SLC4A4: variants seen among roughly 807,000 people sequenced by gnomAD.
SLC4A4 encodes the protein solute carrier family 4 member 4, also known as electrogenic sodium bicarbonate cotransporter 1.
SLC4A4 carries 27 observed loss-of-function variants against 111.5 expected under a neutral mutation model. That is an observed-to-expected ratio of 0.24 (90% CI 0.18 to 0.33). The LOEUF (loss-of-function observed/expected upper bound fraction) is 0.33. Among genes scored for constraint, SLC4A4 ranks in the 10% least tolerant of loss-of-function variants. The probability of loss-of-function intolerance (pLI) is 1.00; values close to 1 mark genes in which losing one functional copy is unlikely to be tolerated. For missense variants in SLC4A4, 909 were observed against 1,315.5 expected, an observed-to-expected ratio of 0.69 and a Z score of 4.78; for synonymous variants, 443 against 463.4, an observed-to-expected ratio of 0.96 and a Z score of 0.57.
intron 1 of SLC4A4, among the ~76,000 whole-genome samples, chr4:71,235,331 C>T (rs558604539): frequency 2.2e-4 from 34 of 152,156 alleles, no homozygotes; most frequent in African/African-American, 7.2e-4. Context: ...AATGCACATC[C>T]GCATAGATTA....
At chr4:71,547,544 C>A in intron 19 of SLC4A4, 104 bp from the exon 20 acceptor site, 1 of 917,626 alleles carries the variant, frequency 1.1e-6, no homozygotes, top group Non-Finnish European at 1.8e-6. Flanking sequence ...GTTGTTTTAG[C>A]CAAACATTGA....
intron 2 of SLC4A4, among the ~76,000 whole-genome samples, chr4:71,136,930 G>C (rs968174430): frequency 2.6e-5 from 4 of 152,148 alleles, no homozygotes; most frequent in Admixed American, 1.3e-4. Flanking sequence ...TGAAGAAGCT[G>C]AAACTTTTGC....
intron 1 of SLC4A4, among the ~76,000 whole-genome samples, chr4:71,072,410 T>C (rs1741692174): frequency 6.6e-6 from 1 of 152,182 alleles, no homozygotes; most frequent in Non-Finnish European, 1.5e-5. Context: ...TTGTTAGACT[T>C]TCTATTCTGT....
intron 11 of SLC4A4, 117 bp downstream of exon 11, chr4:71,451,418 T>C (rs2149076958): frequency 1.3e-6 from 1 of 744,218 alleles, no homozygotes; most frequent in South Asian, 1.5e-5. Flanking sequence ...CAAATATTTA[T>C]GGTATACCTA....
chr4:71,359,380 ATGT>A (rs1390429252), intron 6 of SLC4A4, among the ~76,000 whole-genome samples: 2 of 152,192 alleles, frequency 1.3e-5, no homozygotes, highest in African/African-American at 2.4e-5. Flanking sequence ...CTTTTTAAAC[ATGT>A]TGTTATTTGC....
chr4:71,069,962 C>G (rs906129572), intron 1 of SLC4A4, among the ~76,000 whole-genome samples: 1 of 152,132 alleles, frequency 6.6e-6, no homozygotes, highest in Non-Finnish European at 1.5e-5. Context: ...TGGGAACCAG[C>G]TGTTTAAGGA....
intron 1 of SLC4A4, among the ~76,000 whole-genome samples, chr4:71,091,531 G>C (rs1216184117): frequency 6.6e-6 from 1 of 152,050 alleles, no homozygotes; most frequent in African/African-American, 2.4e-5. Flanking sequence ...GGGATTACAG[G>C]CGTGAGCCAC....
chr4:71,553,673 A>G (rs1325843587), intron 20 of SLC4A4, among the ~76,000 whole-genome samples: 3 of 151,700 alleles, frequency 2.0e-5, no homozygotes, highest in Admixed American at 6.6e-5. Context: ...CTATGCAATG[A>G]TCCTTCTCTT....
At chr4:71,544,758 A>C (rs1735363397) in intron 18 of SLC4A4, among the ~76,000 whole-genome samples, 1 of 152,072 alleles carries the variant, frequency 6.6e-6, no homozygotes, top group Non-Finnish European at 1.5e-5. Flanking sequence ...CTACAAGCCT[A>C]GGTTCTGATA....
At chr4:71,507,483 T>A (rs540669817) in intron 16 of SLC4A4, among the ~76,000 whole-genome samples, 1 of 151,938 alleles carries the variant, frequency 6.6e-6, no homozygotes, top group South Asian at 2.1e-4. Context: ...CCAACAAAGA[T>A]GAAAAAAGAC....
At chr4:71,342,957 G>A (rs950281390) in intron 4 of SLC4A4, among the ~76,000 whole-genome samples, 18 of 152,224 alleles carry the variant, frequency 1.2e-4, no homozygotes, top group African/African-American at 3.4e-4. Flanking sequence ...TCACGTCCAC[G>A]CTGTATAACT....
chr4:71,442,594 G>A (rs1024373498), intron 8 of SLC4A4, among the ~76,000 whole-genome samples: 1 of 152,080 alleles, frequency 6.6e-6, no homozygotes, highest in African/African-American at 2.4e-5. Flanking sequence ...CAAGGAATGT[G>A]GTAGGCATGG....
rs533024103 is a variant in SLC4A4 at position 71,419,785 on chromosome 4, C to T, written c.808-20831C>T. Reference sequence around the variant, plus strand: ...AAATGCAGAAATCACCCGTCTTCTGCGTCACTCATGCTGGGAGCTGTAGAC... The same window carrying T: ...AAATGCAGAAATCACCCGTCTTCTGTGTCACTCATGCTGGGAGCTGTAGAC... On this transcript the variant is annotated intron_variant, in intron 7 of 25. Coordinates refer to ENST00000264485, the MANE Select transcript of SLC4A4 (RefSeq NM_001098484.3). Among the ~76,000 whole-genome samples, 5 of 152,328 alleles carry T rather than the reference C, an allele frequency of 3.3e-5. 1 individual carries two copies. Among genetic ancestry groups the T allele is most frequent in the East Asian group, 3.9e-4 (2 of 5,178 alleles).
At chr4:71,131,931 A>G (rs1162387558) in intron 2 of SLC4A4, among the ~76,000 whole-genome samples, 1 of 152,034 alleles carries the variant, frequency 6.6e-6, no homozygotes. Context: ...ACCATTGTTA[A>G]TTATTATTAT....
intron 1 of SLC4A4, among the ~76,000 whole-genome samples, chr4:71,234,737 A>G (rs79267161): frequency 0.013 from 1,993 of 152,282 alleles, 38 homozygotes; most frequent in African/African-American, 0.045. Context: ...GCCGGCCTCA[A>G]ATCTTCAAGG....
chr4:71,507,647 G>A (rs528061327), intron 16 of SLC4A4, among the ~76,000 whole-genome samples: 1 of 152,272 alleles, frequency 6.6e-6, no homozygotes, highest in East Asian at 1.9e-4. Flanking sequence ...AATGGTGCAA[G>A]ACTTTAATAC....
chr4:71,526,365 G>A (rs938082747), intron 16 of SLC4A4, among the ~76,000 whole-genome samples: 3 of 152,010 alleles, frequency 2.0e-5, no homozygotes, highest in African/African-American at 7.2e-5. Flanking sequence ...ATGTTATGCA[G>A]ACTATATCAC....
chr4:71,467,398 T>G (rs1727471497), intron 13 of SLC4A4, among the ~76,000 whole-genome samples: 1 of 152,130 alleles, frequency 6.6e-6, no homozygotes, highest in African/African-American at 2.4e-5. Context: ...CTAACATTTA[T>G]TGAGAGTTGA....
chr4:71,368,934 G>A (rs1731588823), intron 6 of SLC4A4, among the ~76,000 whole-genome samples: 2 of 152,126 alleles, frequency 1.3e-5, no homozygotes, highest in Admixed American at 6.6e-5. Flanking sequence ...CCGCTTGTGT[G>A]ATTTGCTTTA....
Sources: allele counts gnomAD v4.1 joint callset (sites outside exome capture counted in the v4.1 genomes callset), GRCh38; gene constraint gnomAD v4.1.1; transcripts MANE v1.5; gene names NCBI Gene and HGNC (gene_info 2026-07-23, HGNC 2026-07-21).